CLTC: variants seen among roughly 807,000 people sequenced by gnomAD.
The protein encoded by CLTC is clathrin heavy chain 1.
In CLTC, 16 loss-of-function variants were observed where a neutral mutation model predicts 195.8. The ratio of observed to expected loss-of-function variants is 0.08; its 90% confidence interval spans 0.06 to 0.12. The LOEUF (loss-of-function observed/expected upper bound fraction) is 0.12. Among genes scored for constraint, CLTC ranks in the 10% least tolerant of loss-of-function variants. The pLI is 1.00. For missense variants in CLTC, 796 were observed against 2,027.0 expected, an observed-to-expected ratio of 0.39 and a Z score of 11.66; for synonymous variants, 667 against 689.4, an observed-to-expected ratio of 0.97 and a Z score of 0.51.
intron 1 of CLTC, among the ~76,000 whole-genome samples, chr17:59,634,194 C>T (rs544618633): frequency 1.3e-5 from 2 of 152,302 alleles, no homozygotes; most frequent in Middle Eastern, 3.4e-3. Flanking sequence ...CAGGCATGAG[C>T]CACTATGCCT....
At chr17:59,692,580 A>G (rs1195304723) in intron 31 of CLTC, among the ~76,000 whole-genome samples, 1 of 152,142 alleles carries the variant, frequency 6.6e-6, no homozygotes, top group East Asian at 1.9e-4. Context: ...GTGTCAACAT[A>G]GTATTTGATA....
chr17:59,688,968 G>T (rs999150455), intron 30 of CLTC, among the ~76,000 whole-genome samples: 1 of 152,068 alleles, frequency 6.6e-6, no homozygotes, highest in Non-Finnish European at 1.5e-5. Context: ...ATCCTTGATG[G>T]CACAGAGCTG....
intron 1 of CLTC, among the ~76,000 whole-genome samples, chr17:59,633,718 G>A (rs913580806): frequency 2.0e-5 from 3 of 152,112 alleles, no homozygotes; most frequent in Admixed American, 2.0e-4. Context: ...TGTAACACTA[G>A]GCTCCCACTT....
intron 5 of CLTC, among the ~76,000 whole-genome samples, chr17:59,652,535 A>G (rs763103412): frequency 6.6e-6 from 1 of 152,210 alleles, no homozygotes; most frequent in Admixed American, 6.5e-5. Context: ...TGAAAGCAAT[A>G]TTAATCTCCT....
intron 1 of CLTC, among the ~76,000 whole-genome samples, chr17:59,634,270 CT>C (rs2031803846): frequency 6.6e-6 from 1 of 152,108 alleles, no homozygotes; most frequent in Non-Finnish European, 1.5e-5. Flanking sequence ...CTTCTCACCC[CT>C]GCCATTGAAT....
chr17:59,654,378 G>A (rs529752294), intron 5 of CLTC, among the ~76,000 whole-genome samples: 12 of 148,874 alleles, frequency 8.1e-5, no homozygotes, highest in African/African-American at 3.0e-4. Flanking sequence ...GGGCTTCACC[G>A]TGTTGGTCAG....
intron 6 of CLTC, among the ~76,000 whole-genome samples, 198 bp from the exon 7 acceptor site, chr17:59,660,193 A>G (rs1299142479): frequency 6.6e-6 from 1 of 152,198 alleles, no homozygotes; most frequent in Non-Finnish European, 1.5e-5. Flanking sequence ...CTAACACCCT[A>G]TGACATTTGT....
intron 1 of CLTC, among the ~76,000 whole-genome samples, chr17:59,639,858 GGAGGCT>G (rs2031978845): frequency 6.6e-6 from 1 of 151,534 alleles, no homozygotes; most frequent in Admixed American, 6.6e-5. Flanking sequence ...CAGGTACTGA[GGAGGCT>G]GAGGTAGGAA....
chr17:59,635,598 A>G lies in CLTC; in HGVS notation c.43-8678A>G, dbSNP rs536226775. Among the ~76,000 whole-genome samples the G allele has an allele frequency of 3.3e-5, 5 of 152,268 alleles. No homozygotes were observed. In the East Asian group the frequency reaches 5.8e-4, roughly 18 times the overall value. On this transcript the variant is annotated intron_variant, in intron 1 of 31. Coordinates refer to ENST00000269122, the MANE Select transcript of CLTC (RefSeq NM_004859.4). ...AGAGTTGTCTTTAGATAGTTTAAGAATTGGGCCTTGAAAAAATTATGGTTT... is the reference window on the plus strand; with the variant it reads ...AGAGTTGTCTTTAGATAGTTTAAGAGTTGGGCCTTGAAAAAATTATGGTTT...
intron 14 of CLTC, among the ~76,000 whole-genome samples, chr17:59,672,952 T>C (rs1040376961): frequency 6.6e-6 from 1 of 152,266 alleles, no homozygotes; most frequent in East Asian, 1.9e-4. Context: ...TAACAGGACA[T>C]GTATCAGGTA....
intron 17 of CLTC, among the ~76,000 whole-genome samples, chr17:59,679,025 G>C (rs2033026386): frequency 1.3e-5 from 2 of 152,170 alleles, no homozygotes; most frequent in Admixed American, 1.3e-4. Flanking sequence ...TAGAAGTCAA[G>C]ATCTGAGCTT....
At chr17:59,654,134 G>A in intron 5 of CLTC, among the ~76,000 whole-genome samples, 1 of 151,794 alleles carries the variant, frequency 6.6e-6, no homozygotes, top group Non-Finnish European at 1.5e-5. Flanking sequence ...TCTGTGGCTG[G>A]GATACAGACA....
rs1192631247 is a variant in CLTC, at chr17:59,680,914, T to C, written c.2922T>C (p.Val974=). The C allele has an allele frequency of 1.9e-6, 3 of 1,612,468 alleles. No homozygotes were observed. The South Asian group carries it at 3.3e-5, about 18-fold the overall frequency. Residue 974 remains valine (V), a splice_region_variant and synonymous_variant, in exon 19 of 32, where the codon GTT becomes GTC. Transcript: ENST00000269122. ...TATGTCCCATATATCCTCTGTAGGT[T>C]GTACAAACAGCTTTGTCTGAGACTC... ...NPYRRPLIDQ[V]VQTALSETQD...
rs1004676505 is a variant in CLTC, at chr17:59,685,907, A to C, written c.4827+99A>C. 2.2e-5 allele frequency: 21 copies of C among 934,322 alleles called. No individual in the cohort carries two copies. Among genetic ancestry groups the C allele is most frequent in the Non-Finnish European group, 2.9e-5 (18 of 626,726 alleles). 57.9% of individuals were successfully genotyped at this position (934,322 alleles called of 1,614,324 possible). ...AAATGCTTTTTTCTTTAGTAGAAGTAAGTCATTTAGTCGATCATAAAATAT... is the reference window on the plus strand; with the variant it reads ...AAATGCTTTTTTCTTTAGTAGAAGTCAGTCATTTAGTCGATCATAAAATAT... On this transcript the variant is annotated intron_variant, in intron 30 of 31. Transcript: ENST00000269122. This position sits in a 1 kb window ranked among gnomAD's most constrained non-coding sequence, Gnocchi z 5.0.
chr17:59,674,978 T>C, intron 16 of CLTC, 135 bp downstream of exon 16: 1 of 839,394 alleles, frequency 1.2e-6, no homozygotes. Context: ...AACATAGAGG[T>C]GATAAGCTAG....
chr17:59,660,530 C>T lies in CLTC; in HGVS notation c.1109C>T (p.Ala370Val). 2 of 1,614,144 alleles carry T rather than the reference C, an allele frequency of 1.2e-6. No individual in the cohort carries two copies. Among genetic ancestry groups the T allele is most frequent in the Non-Finnish European group, 1.7e-6 (2 of 1,180,010 alleles). Residue 370 changes from alanine (A) to valine (V), a missense_variant, in exon 7 of 32, where the codon GCT (alanine) becomes GTT (valine). Coordinates refer to ENST00000269122, the MANE Select transcript of CLTC (RefSeq NM_004859.4). ...GAACTCTTTGCCCGGAAATTTAATG[C>T]TCTTTTTGCCCAGGGAAATTACTCG... ...AEELFARKFN[A>V]LFAQGNYSEA...
chr17:59,658,108 CAGG>C (rs1226823086), intron 6 of CLTC, among the ~76,000 whole-genome samples: 4 of 152,022 alleles, frequency 2.6e-5, no homozygotes, highest in Admixed American at 2.0e-4. Flanking sequence ...GAGGCTGAGA[CAGG>C]AGAATTGCTT....
Position 59,685,229 on chromosome 17 carries a change from T to A in CLTC, c.4605+3T>A. 1 of 1,574,244 alleles carries A rather than the reference T, an allele frequency of 6.4e-7. No individual in the cohort carries two copies. Reference sequence around the variant, plus strand: ...GCAAGAAAGACAGCCTTTACAAGGTTGATAAAGTTGCGGGGCAGGGGCTGT... The same window carrying A: ...GCAAGAAAGACAGCCTTTACAAGGTAGATAAAGTTGCGGGGCAGGGGCTGT... On this transcript the variant is annotated splice_donor_region_variant and intron_variant, in intron 29 of 31. Transcript: ENST00000269122. This position sits in a 1 kb window ranked among gnomAD's most constrained non-coding sequence, Gnocchi z 5.0.
In CLTC at chr17:59,681,698, C is replaced by T. The variant is rs1298816119; in HGVS notation, c.3301C>T (p.Arg1101Cys). Residue 1101 changes from arginine (R) to cysteine (C), a missense_variant, in exon 21 of 32, where the codon CGT (arginine) becomes TGT (cysteine). Physicochemically the swap from Arg to Cys is radical, Grantham distance 180 (BLOSUM62 -3). Around this residue, in one of 9 missense-constraint regions of CLTC, gnomAD observed 160 missense variants for 448.2 expected, o/e 0.36. Transcript: ENST00000269122. This position sits in a 1 kb window ranked among gnomAD's most constrained non-coding sequence, Gnocchi z 5.0. Reference protein sequence around the residue: ...NLDRAYEFAERCNEPAVWSQL... With the variant: ...NLDRAYEFAECCNEPAVWSQL... The stretch of plus-strand genomic sequence containing the variant: ...GGATCGGGCATATGAGTTTGCTGAA[C>T]GTTGCAATGAACCTGCGGTCTGGAG... 1.2e-6 allele frequency: 2 copies of T among 1,613,816 alleles called. No individual in the cohort carries two copies. Among genetic ancestry groups the T allele is most frequent in the African/African-American group, 1.3e-5 (1 of 74,892 alleles).
Sources: allele counts gnomAD v4.1 joint callset (sites outside exome capture counted in the v4.1 genomes callset), GRCh38; gene constraint gnomAD v4.1.1; regional missense constraint gnomAD v4.1.1; non-coding constraint Gnocchi (gnomAD v3.1); transcripts MANE v1.5; gene names NCBI Gene and HGNC (gene_info 2026-07-23, HGNC 2026-07-21).